The following STK33 variants were observed in gnomAD, a reference collection of about 807,000 sequenced individuals.
The protein encoded by STK33 is serine/threonine kinase 33.
In STK33, 52 loss-of-function variants were observed where a neutral mutation model predicts 58.0. The ratio of observed to expected loss-of-function variants is 0.90; its 90% CI spans 0.72 to 1.13. The LOEUF (loss-of-function observed/expected upper bound fraction) is 1.13. STK33 is among the 50% of genes most tolerant of loss of function. The probability of loss-of-function intolerance (pLI) is 0.00; values close to 1 mark genes in which losing one functional copy is unlikely to be tolerated. For missense variants in STK33, 630 were observed against 604.2 expected (o/e 1.04, Z -0.45); for synonymous variants, 215 against 200.1 (o/e 1.07, Z -0.63).
At chr11:8,508,873 T>C (rs563009484) in intron 1 of STK33, among the ~76,000 whole-genome samples, 1 of 152,180 alleles carries the variant, frequency 6.6e-6, no homozygotes, top group East Asian at 1.9e-4. Flanking sequence ...TCCCAGCACT[T>C]TGGGAGGCCG....
At chr11:8,344,198 A>ACACACACAC in the STK33 span, among the ~76,000 whole-genome samples, 1 of 137,116 alleles carries the variant, frequency 7.3e-6, no homozygotes, top group African/African-American at 2.8e-5. Flanking sequence ...AAACAAACAA[A>ACACACACAC]ACACACACAC....
the STK33 span, among the ~76,000 whole-genome samples, chr11:8,377,738 A>G: frequency 6.6e-6 from 1 of 152,244 alleles, no homozygotes; most frequent in East Asian, 1.9e-4. Flanking sequence ...AAAAGATTCC[A>G]AGATTTGATA....
intron 1 of STK33, among the ~76,000 whole-genome samples, chr11:8,492,526 T>TCG (rs1950706366): frequency 6.6e-6 from 1 of 152,176 alleles, no homozygotes; most frequent in Non-Finnish European, 1.5e-5. Flanking sequence ...CTGTCAATAT[T>TCG]AGACAGATCA....
chr11:8,406,139 T>C (rs1458119679), intron 15 of STK33, among the ~76,000 whole-genome samples: 2 of 76,564 alleles, frequency 2.6e-5, no homozygotes, highest in African/African-American at 1.1e-4. Context: ...CGAGACTCCG[T>C]CTCAAAAAAA....
chr11:8,445,611 G>T (rs1945340968), intron 11 of STK33, among the ~76,000 whole-genome samples: 1 of 150,928 alleles, frequency 6.6e-6, no homozygotes, highest in Non-Finnish European at 1.5e-5. Context: ...TTTTATCAAA[G>T]GCTTTTTCTG....
intron 15 of STK33, among the ~76,000 whole-genome samples, chr11:8,393,945 T>A (rs1848927309): frequency 6.6e-6 from 1 of 152,176 alleles, no homozygotes; most frequent in Non-Finnish European, 1.5e-5. Flanking sequence ...CTTTAAAGTG[T>A]GCCTCTTCAG....
At chr11:8,542,772 G>A (rs949756026) in intron 1 of STK33, among the ~76,000 whole-genome samples, 4 of 152,072 alleles carry the variant, frequency 2.6e-5, no homozygotes, top group Non-Finnish European at 5.9e-5. Flanking sequence ...GAGTGCAGTG[G>A]CACGATCTCG....
At chr11:8,503,172 C>T (rs990226112) in intron 1 of STK33, among the ~76,000 whole-genome samples, 1 of 152,146 alleles carries the variant, frequency 6.6e-6, no homozygotes, top group Admixed American at 6.6e-5. Context: ...TGCATATGTT[C>T]ATTGCACCAA....
intron 1 of STK33, among the ~76,000 whole-genome samples, chr11:8,577,075 T>C (rs1958239285): frequency 6.6e-6 from 1 of 152,138 alleles, no homozygotes; most frequent in African/African-American, 2.4e-5. Context: ...GAAGAAAATT[T>C]GGGAGGATAG....
intron 1 of STK33, among the ~76,000 whole-genome samples, chr11:8,543,775 T>A (rs569031085): frequency 5.9e-5 from 9 of 152,270 alleles, no homozygotes; most frequent in African/African-American, 2.2e-4. Context: ...ATACAAAGGA[T>A]AAATACTTAA....
At chr11:8,386,468 C>A in the STK33 span, among the ~76,000 whole-genome samples, 1 of 152,152 alleles carries the variant, frequency 6.6e-6, no homozygotes, top group Non-Finnish European at 1.5e-5. Flanking sequence ...TAGCTAGAAG[C>A]CTTTTCTTCC....
chr11:8,471,824 T>C (rs1948808797), intron 6 of STK33, among the ~76,000 whole-genome samples: 1 of 152,206 alleles, frequency 6.6e-6, no homozygotes, highest in African/African-American at 2.4e-5. Context: ...TGGTTATATC[T>C]GGTTGATAAT....
chr11:8,502,134 G>T (rs1342183465), intron 1 of STK33, among the ~76,000 whole-genome samples: 1 of 152,096 alleles, frequency 6.6e-6, no homozygotes, highest in African/African-American at 2.4e-5. Flanking sequence ...TAAAATGGTA[G>T]ATTTTATGGT....
intron 1 of STK33, among the ~76,000 whole-genome samples, chr11:8,558,294 T>C (rs970562880): frequency 6.6e-6 from 1 of 151,968 alleles, no homozygotes; most frequent in African/African-American, 2.4e-5. Context: ...TATAAGGAAA[T>C]ACCTACATTC....
intron 1 of STK33, among the ~76,000 whole-genome samples, chr11:8,516,526 G>T (rs1952797960): frequency 6.6e-6 from 1 of 152,208 alleles, no homozygotes; most frequent in Non-Finnish European, 1.5e-5. Context: ...CACGGAGCAG[G>T]ATGGGGCATC....
At chr11:8,425,986 G>C (rs1010995536) in intron 14 of STK33, among the ~76,000 whole-genome samples, 3 of 152,112 alleles carry the variant, frequency 2.0e-5, no homozygotes, top group Admixed American at 2.0e-4. Flanking sequence ...GTGTTACAGG[G>C]TGTTCTTTTA....
In STK33 at chr11:8,553,178, ATATATATATATATATATATGGTG is replaced by A. The variant is rs1393577799; in HGVS notation, c.-466+40882_-466+40904del. ...GTCTCCAAAAATAAAATATATATAT[ATATATATATATATATATATGGTG>A]TATATATATATATATATATATATGG... On this transcript the variant is annotated intron_variant, in intron 1 of 15. Transcript: ENST00000687296. Among the ~76,000 whole-genome samples, 158 of 75,590 alleles carry A rather than the reference ATATATATATATATATATATGGTG, an allele frequency of 2.1e-3. 1 individual carries two copies. The highest frequency in any genetic ancestry group is 4.0e-3 in the South Asian group (9 of 2,252). The allele number at this position is 75,590 out of a possible 152,430, so 49.6% of individuals were successfully genotyped here.
At chr11:8,407,963 A>C (rs567559375) in intron 15 of STK33, among the ~76,000 whole-genome samples, 3 of 152,206 alleles carry the variant, frequency 2.0e-5, no homozygotes, top group Non-Finnish European at 4.4e-5. Context: ...CACAATACAT[A>C]TAAGTGAAGA....
chr11:8,341,120 G>A, the STK33 span, among the ~76,000 whole-genome samples: 1 of 151,974 alleles, frequency 6.6e-6, no homozygotes, highest in Non-Finnish European at 1.5e-5. Flanking sequence ...GGCCTCCAAA[G>A]TGCTGGGATT....
Sources: gnomAD v4.1 joint callset for allele counts (sites outside exome capture counted in the v4.1 genomes callset) on GRCh38, gnomAD v4.1.1 for gene constraint, MANE v1.5 for transcripts, NCBI Gene and HGNC (gene_info 2026-07-23, HGNC 2026-07-21) for gene names.